The following MYO3B variants were observed in gnomAD, a reference collection of about 807,000 sequenced individuals.
MYO3B encodes the protein myosin-IIIb.
A neutral mutation model predicts 174.6 loss-of-function variants in MYO3B; 156 were observed. The observed-to-expected ratio is 0.89, with a 90% CI of 0.78 to 1.02. The LOEUF (loss-of-function observed/expected upper bound fraction) is 1.02. Among genes scored for constraint, MYO3B ranks in the 50% least tolerant of loss-of-function variants. The pLI, the probability that MYO3B is intolerant of heterozygous loss-of-function variation, is 0.00. For missense variants in MYO3B, 1,632 were observed against 1,639.4 expected, an observed-to-expected ratio of 1.00 and a Z score of 0.08; for synonymous variants, 563 against 569.1, an observed-to-expected ratio of 0.99 and a Z score of 0.15.
chr2:170,226,366 G>A (rs147316682), intron 6 of MYO3B, among the ~76,000 whole-genome samples: 179 of 152,314 alleles, frequency 1.2e-3, no homozygotes, highest in African/African-American at 4.2e-3. Context: ...TTGTGTGTCA[G>A]GCTCAAAGAA....
intron 22 of MYO3B, among the ~76,000 whole-genome samples, chr2:170,424,940 TC>T (rs1318610577): frequency 1.3e-5 from 2 of 152,228 alleles, no homozygotes; most frequent in African/African-American, 4.8e-5. Flanking sequence ...AGAAAAATGT[TC>T]CCATTTGAGA....
intron 6 of MYO3B, among the ~76,000 whole-genome samples, chr2:170,223,267 CA>C (rs1484450562): frequency 6.6e-6 from 1 of 152,180 alleles, no homozygotes; most frequent in Non-Finnish European, 1.5e-5. Context: ...AAAAAACTCA[CA>C]AAAACAACAC....
At chr2:170,336,576 A>G (rs2093948859) in intron 8 of MYO3B, among the ~76,000 whole-genome samples, 1 of 152,174 alleles carries the variant, frequency 6.6e-6, no homozygotes, top group Non-Finnish European at 1.5e-5. Flanking sequence ...TGATGGTAAC[A>G]TATGACCTTA....
intron 7 of MYO3B, among the ~76,000 whole-genome samples, chr2:170,255,633 A>G (rs1342798234): frequency 6.6e-6 from 1 of 151,566 alleles, no homozygotes; most frequent in East Asian, 1.9e-4. Context: ...CCCTGAAGGG[A>G]AAAAAAAACC....
intron 22 of MYO3B, among the ~76,000 whole-genome samples, chr2:170,436,735 G>A (rs1475395202): frequency 6.6e-6 from 1 of 152,182 alleles, no homozygotes; most frequent in African/African-American, 2.4e-5. Flanking sequence ...AATCAGAGAA[G>A]TGGTGAAGGG....
At chr2:170,401,386 G>A (rs1396844959) in intron 17 of MYO3B, 95 bp from the exon 18 acceptor site, 5 of 1,148,650 alleles carry the variant, frequency 4.4e-6, no homozygotes, top group Non-Finnish European at 6.4e-6. Flanking sequence ...TACCCAAATG[G>A]AGTCTGGCAC....
chr2:170,487,988 C>G (rs1031118416), intron 25 of MYO3B, among the ~76,000 whole-genome samples: 1 of 152,122 alleles, frequency 6.6e-6, no homozygotes, highest in Admixed American at 6.5e-5. Context: ...TGTGAGAGAA[C>G]ATCATTGAAA....
chr2:170,290,158 A>T (rs544954434), intron 7 of MYO3B, among the ~76,000 whole-genome samples: 1 of 152,200 alleles, frequency 6.6e-6, no homozygotes, highest in Admixed American at 6.5e-5. Flanking sequence ...CTGTGTGCTG[A>T]TAAAAAGAAT....
intron 27 of MYO3B, 31 bp from the exon 28 acceptor site, chr2:170,501,754 T>G: frequency 6.8e-7 from 1 of 1,467,742 alleles, no homozygotes; most frequent in Admixed American, 1.7e-5. Flanking sequence ...TAAATTAATG[T>G]CATTCCTAGC....
intron 32 of MYO3B, among the ~76,000 whole-genome samples, chr2:170,650,287 T>TC (rs747606168): frequency 5.9e-5 from 9 of 151,852 alleles, no homozygotes; most frequent in Admixed American, 3.3e-4. Flanking sequence ...TTGTCCCAAT[T>TC]CAAGAAAAAT....
chr2:170,591,324 A>C (rs1276060813), intron 32 of MYO3B, among the ~76,000 whole-genome samples: 2 of 152,228 alleles, frequency 1.3e-5, no homozygotes, highest in Non-Finnish European at 2.9e-5. Flanking sequence ...TGTCTGTATT[A>C]AAGGTTCATA....
At chr2:170,199,036 C>T (rs1378798932) in intron 1 of MYO3B, among the ~76,000 whole-genome samples, 172 bp from the exon 2 acceptor site, 2 of 152,048 alleles carry the variant, frequency 1.3e-5, no homozygotes, top group Admixed American at 6.5e-5. Flanking sequence ...CTTTTATTAC[C>T]ATTTCTTAAG....
intron 8 of MYO3B, among the ~76,000 whole-genome samples, chr2:170,362,684 A>G (rs1289154969): frequency 3.9e-5 from 6 of 152,156 alleles, no homozygotes; most frequent in African/African-American, 1.4e-4. Flanking sequence ...GGAGGACCCC[A>G]CTTCCCCACC....
intron 32 of MYO3B, among the ~76,000 whole-genome samples, chr2:170,625,683 G>T (rs1272023416): frequency 6.6e-6 from 1 of 152,082 alleles, no homozygotes; most frequent in African/African-American, 2.4e-5. Context: ...TTTCTCTTGT[G>T]GGCATTTAGT....
At chr2:170,460,842 T>C (rs1489063561) in intron 23 of MYO3B, among the ~76,000 whole-genome samples, 1 of 152,236 alleles carries the variant, frequency 6.6e-6, no homozygotes, top group Non-Finnish European at 1.5e-5. Context: ...TTATTCCTTT[T>C]ATTTATTTAT....
chr2:170,649,336 T>A (rs1559202415), intron 32 of MYO3B, among the ~76,000 whole-genome samples: 6 of 92,972 alleles, frequency 6.5e-5, no homozygotes, highest in African/African-American at 2.5e-4. Flanking sequence ...ATAATATATA[T>A]TATATATAAA....
chr2:170,416,342 G>A (rs1236258661), intron 22 of MYO3B, among the ~76,000 whole-genome samples: 3 of 152,006 alleles, frequency 2.0e-5, no homozygotes, highest in East Asian at 1.9e-4. Flanking sequence ...GGCCAACATG[G>A]TGAAACCCCG....
At chr2:170,332,330 A>G (rs1350701060) in intron 7 of MYO3B, 1 of 152,148 alleles carries the variant, frequency 6.6e-6, no homozygotes, top group Admixed American at 6.6e-5. Flanking sequence ...AACATACAGT[A>G]AGCCCTCAGT....
chr2:170,473,388 C>T (rs1163606176), intron 25 of MYO3B, among the ~76,000 whole-genome samples: 1 of 151,854 alleles, frequency 6.6e-6, no homozygotes, highest in Non-Finnish European at 1.5e-5. Context: ...CCTTGTGATC[C>T]GCCTGCCTCG....
Sources: gnomAD v4.1 joint callset for allele counts (sites outside exome capture counted in the v4.1 genomes callset) on GRCh38, gnomAD v4.1.1 for gene constraint, MANE v1.5 for transcripts, NCBI Gene and HGNC (gene_info 2026-07-23, HGNC 2026-07-21) for gene names.